A2M: variants seen among roughly 807,000 people sequenced by gnomAD.
A2M encodes alpha-2-macroglobulin.
Under a neutral mutation model 183.9 loss-of-function variants are expected in A2M, and 128 were observed. The ratio of observed to expected loss-of-function variants is 0.70; its 90% CI spans 0.60 to 0.81. A2M has a LOEUF of 0.81. Ranked by LOEUF, A2M falls within the 30% of genes least tolerant of loss-of-function variation. The pLI, the probability that A2M is intolerant of heterozygous loss-of-function variation, is 0.00. For missense variants in A2M, 1,495 were observed against 1,787.6 expected (o/e 0.84, Z 2.95); for synonymous variants, 592 against 670.8 (o/e 0.88, Z 1.81).
intron 32 of A2M, among the ~76,000 whole-genome samples, chr12:9,070,127 C>T (rs1948524260): frequency 6.6e-6 from 1 of 152,052 alleles, no homozygotes. Context: ...TCCTGTTTTG[C>T]TTGCTCTATT....
At chr12:9,076,666 G>A (rs1948755796) in intron 28 of A2M, 90 bp downstream of exon 28, 3 of 1,174,776 alleles carry the variant, frequency 2.6e-6, no homozygotes, top group Non-Finnish European at 1.2e-6. Context: ...GAGGAGACAG[G>A]GATCACAGGA....
intron 27 of A2M, 78 bp downstream of exon 27, chr12:9,077,268 A>G (rs1948774360): frequency 7.7e-7 from 1 of 1,300,556 alleles, no homozygotes; most frequent in Non-Finnish European, 1.1e-6. Context: ...TTTTAATAGG[A>G]TAGTATTTCA....
chr12:9,068,316 T>A, intron 34 of A2M, 92 bp from the exon 35 acceptor site: 133 of 1,266,160 alleles, frequency 1.1e-4, no homozygotes, highest in Non-Finnish European at 1.4e-4. Flanking sequence ...AAGGAAGGAG[T>A]TTGTTGTGGG....
rs1246147007 is a variant in A2M, at chr12:9,095,791, C to T, written c.1852-91G>A. ...TTTTTGAGACGGAGTCTCGCTCTGT[C>T]GCCCAGGCCGGACCGCGGACTGCAG... is the stretch of plus-strand genomic sequence containing the variant. On this transcript the variant is annotated intron_variant, in intron 15 of 35. Transcript: ENST00000318602. 7.7e-6 allele frequency: 9 copies of T among 1,175,092 alleles called. No individual in the cohort carries two copies. The African/African-American group carries it at 9.9e-5, about 13-fold the overall frequency. 72.8% of individuals were successfully genotyped at this position (1,175,092 alleles called of 1,614,324 possible).
At position 9,076,290 on chromosome 12, in the gene A2M, G is replaced by A. The variant is rs148795976; in HGVS notation, c.3532+466C>T. ...ACATGTACTCTACTAAGTGTTTTAC[G>A]TGTACCAATTCATTTATTACAACAG... On this transcript the variant is annotated intron_variant, in intron 28 of 35. Coordinates refer to ENST00000318602, the MANE Select transcript of A2M (RefSeq NM_000014.6). Among the ~76,000 whole-genome samples the A allele has an allele frequency of 3.3e-3, 500 of 152,282 alleles. 2 individuals are homozygous for A. Among genetic ancestry groups the A allele is most frequent in the African/African-American group, 0.011 (447 of 41,570 alleles).
intron 6 of A2M, 87 bp downstream of exon 6, chr12:9,109,780 G>A (rs1025100908): frequency 6.8e-6 from 9 of 1,332,914 alleles, no homozygotes; most frequent in African/African-American, 4.4e-5. Flanking sequence ...ATGGGAAATG[G>A]AAAGACTCCA....
chr12:9,098,480 G>T, intron 15 of A2M, 127 bp downstream of exon 15: 1 of 1,024,308 alleles, frequency 9.8e-7, no homozygotes, highest in Non-Finnish European at 1.3e-6. Flanking sequence ...CCACAAGAGA[G>T]CTCAAAGCAA....
Position 9,072,660 on chromosome 12 carries a change from T to A in A2M, c.3968A>T (p.Tyr1323Phe). The A allele has an allele frequency of 6.2e-7, 1 of 1,614,070 alleles. No individual in the cohort carries two copies. Among genetic ancestry groups the A allele is most frequent in the Non-Finnish European group, 8.5e-7 (1 of 1,179,972 alleles). Residue 1323 changes from tyrosine to phenylalanine, a missense_variant, in exon 30 of 36, where the codon TAC (tyrosine) becomes TTC (phenylalanine). Transcript: ENST00000318602. ...SMKVTGEGCVYLQTSLKYNIL... is the reference protein window; with the variant it reads ...SMKVTGEGCVFLQTSLKYNIL... ...CCTGCCCAAGAGTCTCACCTGGAGGTAGACACATCCTTCTCCTGTCACTTT... is the reference window on the plus strand; with the variant it reads ...CCTGCCCAAGAGTCTCACCTGGAGGAAGACACATCCTTCTCCTGTCACTTT...
rs376391586 is a variant in A2M at position 9,069,730 on chromosome 12, T to C, written c.4263+15A>G. The C allele has an allele frequency of 1.2e-6, 2 of 1,605,988 alleles. No homozygotes were observed. Among genetic ancestry groups the C allele is most frequent in the Non-Finnish European group, 1.7e-6 (2 of 1,175,166 alleles). ...TATCTACGTTTTTTTGCAAATAGAC[T>C]GGAAGTTCTCTTACCTTATCAAGGT... On this transcript the variant is annotated intron_variant, in intron 33 of 35. Coordinates refer to ENST00000318602, the MANE Select transcript of A2M (RefSeq NM_000014.6).
At chr12:9,107,490 C>T (rs769738655) in intron 8 of A2M, 34 bp downstream of exon 8, 14 of 1,610,936 alleles carry the variant, frequency 8.7e-6, no homozygotes, top group South Asian at 5.5e-5. Context: ...ATGCCTTTAT[C>T]GCTATTCTCT....
chr12:9,075,574 T>C (rs761472274), intron 28 of A2M, among the ~76,000 whole-genome samples: 1 of 145,218 alleles, frequency 6.9e-6, no homozygotes, highest in African/African-American at 2.9e-5. Context: ...TTCATCAACA[T>C]AGTGTTGAAC....
intron 1 of A2M, 72 bp from the exon 2 acceptor site, chr12:9,113,615 A>G (rs182105162): frequency 1.7e-5 from 24 of 1,414,194 alleles, no homozygotes; most frequent in Non-Finnish European, 6.9e-6. Context: ...ACTTTTTTCC[A>G]TCATCATAAT....
intron 22 of A2M, among the ~76,000 whole-genome samples, chr12:9,086,954 T>C (rs1316890818): frequency 6.6e-6 from 1 of 152,082 alleles, no homozygotes. Context: ...AGATACAAAA[T>C]TAACACATAA....
intron 25 of A2M, among the ~76,000 whole-genome samples, chr12:9,078,997 C>G (rs184950803): frequency 1.3e-5 from 2 of 152,066 alleles, no homozygotes; most frequent in African/African-American, 4.8e-5. Flanking sequence ...GAAAGAATAG[C>G]CATTTCAGAA....
At chr12:9,086,875 T>C (rs1024790798) in intron 22 of A2M, among the ~76,000 whole-genome samples, 1 of 152,216 alleles carries the variant, frequency 6.6e-6, no homozygotes, top group African/African-American at 2.4e-5. Context: ...CATTATCTTA[T>C]ATATTGGAAG....
At position 9,076,841 on chromosome 12, in the gene A2M, C is replaced by T; in HGVS notation, c.3447G>A (p.Leu1149=). Residue 1149 remains leucine (L), a synonymous_variant, in exon 28 of 36, where the codon CTG becomes CTA. Coordinates refer to ENST00000318602, the MANE Select transcript of A2M (RefSeq NM_000014.6). ...CTGCCAGGGCAAAAGCATAGGCCAG[C>T]AGTGCTTTGGTATATACATGGCTGC... The part of the protein sequence containing the change: ...DHGSHVYTKA[L]LAYAFALAGN... 4 of 1,614,066 alleles carry T rather than the reference C, an allele frequency of 2.5e-6. No homozygotes were observed. The highest frequency in any genetic ancestry group is 1.3e-5 in the African/African-American group (1 of 75,044).
At chr12:9,094,340 C>CATATATATATATATATAT (rs59647548) in intron 17 of A2M, among the ~76,000 whole-genome samples, 1 of 97,018 alleles carries the variant, frequency 1.0e-5, no homozygotes, top group Non-Finnish European at 2.0e-5. Flanking sequence ...AAAAATTGTG[C>CATATATATATATATATAT]ATATATATAT....
At chr12:9,069,134 A>G in intron 33 of A2M, 1 of 221,640 alleles carries the variant, frequency 4.5e-6, no homozygotes, top group African/African-American at 2.3e-5. Flanking sequence ...TCATTTTTTA[A>G]TATCCAGAGA....
intron 22 of A2M, among the ~76,000 whole-genome samples, chr12:9,081,418 G>T (rs769751245): frequency 6.6e-6 from 1 of 152,276 alleles, no homozygotes; most frequent in East Asian, 1.9e-4. Flanking sequence ...TTTTCGTTTT[G>T]TAGTTCAATT....
Sources: gnomAD v4.1 joint callset for allele counts (sites outside exome capture counted in the v4.1 genomes callset) on GRCh38, gnomAD v4.1.1 for gene constraint, MANE v1.5 for transcripts, NCBI Gene and HGNC (gene_info 2026-07-23, HGNC 2026-07-21) for gene names.